Variants in HVCN1 observed in about 807,000 individuals in gnomAD.
HVCN1 encodes the protein hydrogen voltage gated channel 1, also known as voltage-gated hydrogen channel 1.
In HVCN1, 14 loss-of-function variants were observed where a neutral mutation model predicts 29.2. The observed-to-expected ratio is 0.48, with a 90% CI of 0.32 to 0.75. The LOEUF is 0.75. Among genes scored for constraint, HVCN1 ranks in the 30% least tolerant of loss-of-function variants. The pLI, the probability that HVCN1 is intolerant of heterozygous loss-of-function variation, is 0.04. For synonymous variants in HVCN1, 131 were observed against 133.2 expected, an observed-to-expected ratio of 0.98 and a Z score of 0.11; for missense variants, 263 against 341.8, an observed-to-expected ratio of 0.77 and a Z score of 1.82.
At chr12:110,666,229 T>G (rs916494500) in intron 3 of HVCN1, among the ~76,000 whole-genome samples, 1 of 151,554 alleles carries the variant, frequency 6.6e-6, no homozygotes, top group African/African-American at 2.4e-5. Context: ...CCATCCTGGC[T>G]AACATGGTGA....
At chr12:110,692,371 C>T (rs575194484), upstream of HVCN1, among the ~76,000 whole-genome samples, 1 of 152,150 alleles carries the variant, frequency 6.6e-6, no homozygotes, top group Admixed American at 6.5e-5. Context: ...GATGAAGGAA[C>T]AGCCTTTGTT....
chr12:110,666,348 A>G (rs1006623709), intron 3 of HVCN1, among the ~76,000 whole-genome samples: 1 of 151,280 alleles, frequency 6.6e-6, no homozygotes, highest in Non-Finnish European at 1.5e-5. Context: ...GCGTGAACCC[A>G]GGAGATGGAG....
chr12:110,700,946 C>G (rs1158650212), intron 2 of HVCN1, among the ~76,000 whole-genome samples: 1 of 152,212 alleles, frequency 6.6e-6, no homozygotes, highest in African/African-American at 2.4e-5. Context: ...AGCTGGAACT[C>G]TTAGTGGAGA....
At chr12:110,668,862 C>G (rs2068465915) in intron 3 of HVCN1, among the ~76,000 whole-genome samples, 1 of 152,180 alleles carries the variant, frequency 6.6e-6, no homozygotes, top group South Asian at 2.1e-4. Flanking sequence ...GCTGTTGAAT[C>G]TGCTGTGCTT....
At position 110,649,408 on chromosome 12, in the gene HVCN1, G is replaced by A. The variant is rs759990996; in HGVS notation, c.*2C>T. ...TTCTTTTTGAGGGGAGCTGGTCCGGGTCTAGTTCACTTCACCAAGAAGTCC... is the reference window on the plus strand; with the variant it reads ...TTCTTTTTGAGGGGAGCTGGTCCGGATCTAGTTCACTTCACCAAGAAGTCC... On this transcript the variant is annotated 3_prime_UTR_variant, in exon 8 of 8. Transcript: ENST00000242607. 2 of 1,606,810 alleles carry A rather than the reference G, an allele frequency of 1.2e-6. No individual in the cohort carries two copies. The highest frequency in any genetic ancestry group is 1.7e-6 in the Non-Finnish European group (2 of 1,174,916).
chr12:110,664,248 A>G (rs574163184), intron 3 of HVCN1, among the ~76,000 whole-genome samples: 47 of 152,252 alleles, frequency 3.1e-4, no homozygotes, highest in Admixed American at 1.4e-3. Context: ...ACAACTGTAT[A>G]CCCAGCACCT....
chr12:110,679,982 C>A (rs1183146989), intron 3 of HVCN1, among the ~76,000 whole-genome samples: 1 of 152,128 alleles, frequency 6.6e-6, no homozygotes, highest in Non-Finnish European at 1.5e-5. Flanking sequence ...ACCATGGCTA[C>A]AAAACCCCAC....
intron 2 of HVCN1, among the ~76,000 whole-genome samples, chr12:110,698,437 G>T (rs1174702281): frequency 6.6e-6 from 1 of 152,190 alleles, no homozygotes; most frequent in Non-Finnish European, 1.5e-5. Flanking sequence ...TCCACCTGCT[G>T]GTTGCTAGTG....
At chr12:110,669,288 C>T (rs1353217396) in intron 3 of HVCN1, among the ~76,000 whole-genome samples, 1 of 152,126 alleles carries the variant, frequency 6.6e-6, no homozygotes, top group African/African-American at 2.4e-5. Context: ...ATCGTCCCCT[C>T]TCCCTCACCA....
intron 3 of HVCN1, among the ~76,000 whole-genome samples, chr12:110,665,637 T>C (rs1011198433): frequency 1.3e-5 from 2 of 151,362 alleles, no homozygotes; most frequent in African/African-American, 4.9e-5. Context: ...TACAAATATA[T>C]TCAAGGATTT....
chr12:110,659,777 G>A (rs1420214026), intron 4 of HVCN1, among the ~76,000 whole-genome samples: 3 of 152,142 alleles, frequency 2.0e-5, no homozygotes, highest in Admixed American at 1.3e-4. Flanking sequence ...CTTCTAAATG[G>A]CGGGACATGG....
chr12:110,684,601 T>A (rs2069111739), intron 2 of HVCN1, among the ~76,000 whole-genome samples: 1 of 152,184 alleles, frequency 6.6e-6, no homozygotes, highest in African/African-American at 2.4e-5. Context: ...ACAGATGCTT[T>A]TTTTTGGTCC....
chr12:110,669,077 G>A (rs1377227252), intron 3 of HVCN1, among the ~76,000 whole-genome samples: 1 of 151,918 alleles, frequency 6.6e-6, no homozygotes, highest in Non-Finnish European at 1.5e-5. Context: ...TGATGTTCAA[G>A]ATCCTGCTGG....
intron 2 of HVCN1, among the ~76,000 whole-genome samples, chr12:110,695,261 T>C (rs535152623): frequency 5.9e-5 from 9 of 151,274 alleles, no homozygotes; most frequent in South Asian, 2.1e-4. Flanking sequence ...TATATGTATA[T>C]ACACACACAC....
At chr12:110,677,202 CTGTT>C (rs1324762197) in intron 3 of HVCN1, among the ~76,000 whole-genome samples, 1 of 151,316 alleles carries the variant, frequency 6.6e-6, no homozygotes, top group African/African-American at 2.4e-5. Context: ...AAGACCTTGT[CTGTT>C]AAAAAAAAAA....
intron 3 of HVCN1, among the ~76,000 whole-genome samples, chr12:110,664,508 T>C (rs1036487500): frequency 6.6e-6 from 1 of 152,188 alleles, no homozygotes; most frequent in South Asian, 2.1e-4. Flanking sequence ...CTGGCCTTAT[T>C]ACACTCTAGA....
Position 110,667,413 on chromosome 12 carries a change from C to T in HVCN1, c.22-5965G>A, listed in dbSNP as rs535993642. Among the ~76,000 whole-genome samples, 7 of 152,142 alleles carry T rather than the reference C, an allele frequency of 4.6e-5. 1 individual carries two copies. The South Asian group carries it at 6.2e-4, about 14-fold the overall frequency. On this transcript the variant is annotated intron_variant, in intron 3 of 7. Coordinates refer to ENST00000242607, the MANE Select transcript of HVCN1 (RefSeq NM_032369.4). ...CCTCCCAAAGTGCTGGGATTACACGCGTGAGCCACCGTGCCTGGCCATAAT... is the reference window on the plus strand; with the variant it reads ...CCTCCCAAAGTGCTGGGATTACACGTGTGAGCCACCGTGCCTGGCCATAAT...
chr12:110,693,073 C>T (rs902800528), upstream of HVCN1, among the ~76,000 whole-genome samples: 3 of 152,010 alleles, frequency 2.0e-5, no homozygotes, highest in Non-Finnish European at 4.4e-5. Context: ...GAGATGGGGT[C>T]TTGCTTTGTT....
chr12:110,678,229 C>T (rs938017856), intron 3 of HVCN1, among the ~76,000 whole-genome samples: 4 of 152,138 alleles, frequency 2.6e-5, no homozygotes, highest in African/African-American at 9.7e-5. Flanking sequence ...CCTCCTCCTG[C>T]GGGACCCCTC....
Sources: allele counts gnomAD v4.1 joint callset (sites outside exome capture counted in the v4.1 genomes callset), GRCh38; gene constraint gnomAD v4.1.1; transcripts MANE v1.5; gene names NCBI Gene and HGNC (gene_info 2026-07-23, HGNC 2026-07-21).